The following WASHC4 variants were observed in gnomAD, a reference collection of about 807,000 sequenced individuals.
WASHC4 encodes WASH complex subunit 4, also known as WASH complex subunit 7.
In WASHC4, 86 loss-of-function variants were observed where a neutral mutation model predicts 166.6. The observed-to-expected ratio is 0.52, with a 90% CI of 0.43 to 0.62. The LOEUF is 0.62. WASHC4 is among the 20% of genes least tolerant of loss of function. WASHC4 has a pLI of 0.00. For synonymous variants in WASHC4, 446 were observed against 451.6 expected, an observed-to-expected ratio of 0.99 and a Z score of 0.16; for missense variants, 1,262 against 1,382.4, an observed-to-expected ratio of 0.91 and a Z score of 1.38.
At chr12:105,111,370 G>A in intron 2 of WASHC4, 106 bp downstream of exon 2, 1 of 759,628 alleles carries the variant, frequency 1.3e-6, no homozygotes, top group Non-Finnish European at 2.0e-6. Flanking sequence ...TGAAATCTAA[G>A]AACAAAATGA....
At position 105,117,954 on chromosome 12, in the gene WASHC4, C is replaced by T. The variant is rs1399786436; in HGVS notation, c.436-492C>T. The stretch of plus-strand genomic sequence containing the variant: ...TGTGTGCCAAGCCTGCTTATACATA[C>T]GATTACAGGTGATCAGTGTTTGAAG... On this transcript the variant is annotated intron_variant, in intron 6 of 32. Transcript: ENST00000332180. 3.3e-5 allele frequency among the ~76,000 whole-genome samples: 5 copies of T among 152,166 alleles called. No homozygotes were observed. The South Asian group carries it at 6.2e-4, about 19-fold the overall frequency.
intron 10 of WASHC4, among the ~76,000 whole-genome samples, chr12:105,123,417 T>G (rs1880972458): frequency 6.6e-6 from 1 of 152,230 alleles, no homozygotes; most frequent in Admixed American, 6.5e-5. Context: ...GAAATTAAAA[T>G]GCTGTGAACA....
At chr12:105,166,722 T>C (rs1884830609) in intron 32 of WASHC4, 142 bp from the exon 33 acceptor site, 1 of 666,538 alleles carries the variant, frequency 1.5e-6, no homozygotes, top group South Asian at 1.6e-5. Flanking sequence ...AGGTATAATT[T>C]GTGATGTTAG....
At chr12:105,114,530 A>G (rs1198716159) in intron 4 of WASHC4, 103 bp downstream of exon 4, 3 of 817,240 alleles carry the variant, frequency 3.7e-6, no homozygotes, top group African/African-American at 1.7e-5. Context: ...TGAATGTTGA[A>G]TGAATTATTT....
Position 105,127,144 on chromosome 12 carries a change from C to A in WASHC4, c.1054C>A (p.Leu352Ile). 1 of 1,613,062 alleles carries A rather than the reference C, an allele frequency of 6.2e-7. No individual in the cohort carries two copies. The highest frequency in any genetic ancestry group is 1.3e-5 in the African/African-American group (1 of 74,980). ...TCTGTTTCAGGTACCAGCCATCACT[C>A]TAACTGCTAATATTATTTGGTTTCC... is the stretch of plus-strand genomic sequence containing the variant. ...DICKKVPAIT[L>I]TANIIWFPDN... is the part of the protein sequence containing the mutation. The change falls in exon 13 of 33, where the codon CTA becomes ATA. Residue 352 changes from leucine to isoleucine, a missense_variant. Leu to Ile is a conservative substitution (Grantham distance 5). Coordinates refer to ENST00000332180, the MANE Select transcript of WASHC4 (RefSeq NM_015275.3).
intron 1 of WASHC4, among the ~76,000 whole-genome samples, chr12:105,109,962 G>GT (rs1223665820): frequency 6.6e-6 from 1 of 152,156 alleles, no homozygotes; most frequent in African/African-American, 2.4e-5. Flanking sequence ...CATTTCCTGT[G>GT]TAGTTGAGAA....
chr12:105,141,029 G>C lies in WASHC4; in HGVS notation c.1691G>C (p.Ser564Thr). 6.2e-7 allele frequency: 1 copy of C among 1,614,166 alleles called. No individual in the cohort carries two copies. The highest frequency in any genetic ancestry group is 2.2e-5 in the East Asian group (1 of 44,872). ...QRRLIVSLAL[S>T]VGTQMKTFKD... ...CGACTTATTGTTTCTTTGGCACTAAGTGTTGGCACACAAATGGTAAGTGTA... is the reference window on the plus strand; with the variant it reads ...CGACTTATTGTTTCTTTGGCACTAACTGTTGGCACACAAATGGTAAGTGTA... The change falls in exon 17 of 33, where the codon AGT becomes ACT. Residue 564 changes from serine to threonine, a missense_variant. Physicochemically the swap from Ser to Thr is moderately conservative, Grantham distance 58. Transcript: ENST00000332180.
At chr12:105,157,102 A>C in intron 27 of WASHC4, 134 bp from the exon 28 acceptor site, 1 of 644,094 alleles carries the variant, frequency 1.6e-6, no homozygotes, top group Non-Finnish European at 2.7e-6. Flanking sequence ...GATATGAATA[A>C]TATTACTGAA....
In WASHC4 at chr12:105,127,260, T is replaced by C; in HGVS notation, c.1170T>C (p.Phe390=). Residue 390 remains phenylalanine, a synonymous_variant, in exon 13 of 33, where the codon TTT becomes TTC. Coordinates refer to ENST00000332180, the MANE Select transcript of WASHC4 (RefSeq NM_015275.3). ...LQAIKIHRDT[F]LQQKAQSLTK... is the part of the protein sequence containing the mutation. ...CCATTAAAATACACAGGGATACTTT[T>C]CTACAACAGAAAGCTCAATCACTTA... 2.5e-6 allele frequency: 4 copies of C among 1,611,874 alleles called. No individual in the cohort carries two copies. Among genetic ancestry groups the C allele is most frequent in the Non-Finnish European group, 3.4e-6 (4 of 1,178,054 alleles).
chr12:105,162,159 G>A (rs966290379), intron 29 of WASHC4, among the ~76,000 whole-genome samples: 1 of 152,150 alleles, frequency 6.6e-6, no homozygotes, highest in Non-Finnish European at 1.5e-5. Context: ...TATATTGTAA[G>A]CTTCAGTAAA....
At position 105,143,334 on chromosome 12, in the gene WASHC4, T is replaced by G. The variant is rs1245151315; in HGVS notation, c.2010+91T>G. 1.5e-5 allele frequency: 11 copies of G among 728,450 alleles called. No individual in the cohort carries two copies. In the Admixed American group the frequency reaches 2.2e-4, roughly 15 times the overall value. 45.1% of individuals were successfully genotyped at this position (728,450 alleles called of 1,614,324 possible). Reference sequence around the variant, plus strand: ...GTTCGATTGAAGCAGACTCACTGAGTTAAAATTATTTATAAATTGCTGGGT... The same window carrying G: ...GTTCGATTGAAGCAGACTCACTGAGGTAAAATTATTTATAAATTGCTGGGT... On this transcript the variant is annotated intron_variant, in intron 20 of 32. Coordinates refer to ENST00000332180, the MANE Select transcript of WASHC4 (RefSeq NM_015275.3).
chr12:105,118,955 G>A (rs746517778), intron 7 of WASHC4, among the ~76,000 whole-genome samples: 7 of 152,098 alleles, frequency 4.6e-5, no homozygotes, highest in African/African-American at 9.7e-5. Flanking sequence ...TCTAATGGTC[G>A]TAAATATACC....
At chr12:105,108,749 C>G (rs1435587985) in intron 1 of WASHC4, among the ~76,000 whole-genome samples, 1 of 147,240 alleles carries the variant, frequency 6.8e-6, no homozygotes, top group African/African-American at 2.6e-5. Context: ...TTTTTTTTTT[C>G]CCTCATAGTT....
At chr12:105,141,788 A>G (rs939539916) in intron 18 of WASHC4, among the ~76,000 whole-genome samples, 4 of 152,154 alleles carry the variant, frequency 2.6e-5, no homozygotes, top group Non-Finnish European at 5.9e-5. Flanking sequence ...TTACAGCACA[A>G]TTTCCATTTA....
chr12:105,124,826 C>G (rs1033684347), intron 10 of WASHC4, among the ~76,000 whole-genome samples: 3 of 152,150 alleles, frequency 2.0e-5, no homozygotes, highest in Non-Finnish European at 4.4e-5. Context: ...TTAATTCTTC[C>G]TAGGCCCAGG....
At chr12:105,107,961 C>T in intron 1 of WASHC4, 100 bp downstream of exon 1, 2 of 883,866 alleles carry the variant, frequency 2.3e-6, no homozygotes, top group East Asian at 2.6e-5. Context: ...GCTGCGCAGC[C>T]GTCTGGTGCG....
intron 4 of WASHC4, 72 bp downstream of exon 4, chr12:105,114,499 C>A: frequency 2.1e-6 from 2 of 936,168 alleles, no homozygotes; most frequent in Non-Finnish European, 3.4e-6. Context: ...TATATATGTA[C>A]AGTGTGCAAT....
intron 26 of WASHC4, among the ~76,000 whole-genome samples, chr12:105,155,935 G>A (rs779768211): frequency 6.6e-6 from 1 of 152,194 alleles, no homozygotes; most frequent in Admixed American, 6.5e-5. Flanking sequence ...AATGTGGCAG[G>A]ATGCTAAAGG....
At position 105,120,612 on chromosome 12, in the gene WASHC4, G is replaced by A. The variant is rs780592110; in HGVS notation, c.561+15G>A. ...TTCATTTTCAGGTAAAAGACATTTA[G>A]CTTGACCTGTAAAACTGTAATTATT... On this transcript the variant is annotated intron_variant, in intron 8 of 32. Transcript: ENST00000332180. The A allele has an allele frequency of 1.3e-5, 20 of 1,568,364 alleles. No individual in the cohort carries two copies. The highest frequency in any genetic ancestry group is 9.5e-5 in the African/African-American group (7 of 73,972).
Sources: gnomAD v4.1 joint callset for allele counts (sites outside exome capture counted in the v4.1 genomes callset) on GRCh38, gnomAD v4.1.1 for gene constraint, MANE v1.5 for transcripts, NCBI Gene and HGNC (gene_info 2026-07-23, HGNC 2026-07-21) for gene names.